The following COL19A1 variants were observed in gnomAD, a reference collection of about 807,000 sequenced individuals.
COL19A1 encodes the protein collagen type XIX alpha 1 chain.
COL19A1 carries 159 observed loss-of-function variants against 190.2 expected under a neutral mutation model. The ratio of observed to expected loss-of-function variants is 0.84; its 90% CI spans 0.73 to 0.95. The LOEUF (loss-of-function observed/expected upper bound fraction) is 0.95. Ranked by LOEUF, COL19A1 falls within the 40% of genes least tolerant of loss-of-function variation. COL19A1 has a pLI of 0.00. For missense variants in COL19A1, 1,418 were observed against 1,431.9 expected, an observed-to-expected ratio of 0.99 and a Z score of 0.16; for synonymous variants, 509 against 458.9, an observed-to-expected ratio of 1.11 and a Z score of -1.39.
chr6:70,194,007 C>A (rs188473548), intron 48 of COL19A1, among the ~76,000 whole-genome samples: 3 of 152,358 alleles, frequency 2.0e-5, no homozygotes, highest in African/African-American at 7.2e-5. Context: ...GTAGTACAGA[C>A]AGCTAACTGC....
chr6:70,093,986 G>A (rs970823779), intron 15 of COL19A1, among the ~76,000 whole-genome samples: 1 of 152,152 alleles, frequency 6.6e-6, no homozygotes, highest in Admixed American at 6.6e-5. Context: ...CCTATTTCAA[G>A]TCATTTGTTC....
At chr6:69,926,089 G>T (rs189740847) in intron 4 of COL19A1, among the ~76,000 whole-genome samples, 21 of 152,168 alleles carry the variant, frequency 1.4e-4, no homozygotes, top group Admixed American at 1.4e-3. Context: ...TCTTTCTCCT[G>T]CATGATTGCC....
At chr6:69,910,478 A>G (rs1240972663) in intron 4 of COL19A1, among the ~76,000 whole-genome samples, 1 of 152,198 alleles carries the variant, frequency 6.6e-6, no homozygotes, top group Non-Finnish European at 1.5e-5. Flanking sequence ...CTTTATTATG[A>G]CTAATTACAT....
intron 15 of COL19A1, among the ~76,000 whole-genome samples, chr6:70,076,112 C>A (rs1240860328): frequency 6.6e-6 from 1 of 152,090 alleles, no homozygotes; most frequent in Non-Finnish European, 1.5e-5. Flanking sequence ...CTGAGAGCTT[C>A]AGAAAGAAGC....
At chr6:70,028,905 C>T (rs1234783980) in intron 12 of COL19A1, among the ~76,000 whole-genome samples, 1 of 151,338 alleles carries the variant, frequency 6.6e-6, no homozygotes, top group East Asian at 2.0e-4. Context: ...ACACATTTAG[C>T]TCTAATAGGT....
chr6:70,022,519 G>A (rs79931683), intron 11 of COL19A1, among the ~76,000 whole-genome samples: 1,567 of 152,170 alleles, frequency 0.01, 16 homozygotes, highest in African/African-American at 0.035. Flanking sequence ...ATGTAGAAAG[G>A]CATTTTCAAA....
At position 69,973,369 on chromosome 6, in the gene COL19A1, C is replaced by T. The variant is rs1318173782; in HGVS notation, c.1026+10499C>T. On this transcript the variant is annotated intron_variant, in intron 11 of 50. Coordinates refer to ENST00000620364, the MANE Select transcript of COL19A1 (RefSeq NM_001858.6). ...CTCATTAATCTCTTCACCCCCACTG[C>T]TTTCTTTTTCATTTGTTTGACTTAC... is the stretch of plus-strand genomic sequence containing the variant. Among the ~76,000 whole-genome samples the T allele has an allele frequency of 2.0e-5, 3 of 152,156 alleles. 1 individual carries two copies. In the South Asian group the frequency reaches 6.2e-4, roughly 32 times the overall value.
At chr6:70,188,031 A>G in intron 46 of COL19A1, 44 bp from the exon 47 acceptor site, 1 of 1,604,702 alleles carries the variant, frequency 6.2e-7, no homozygotes, top group Non-Finnish European at 8.5e-7. Context: ...ACTACAGCTG[A>G]TGCTAGAAGA....
In COL19A1 at chr6:70,210,161, G is replaced by A. The variant is rs541419458; in HGVS notation, c.*2887G>A. On this transcript the variant is annotated 3_prime_UTR_variant, in exon 51 of 51. Transcript: ENST00000620364. Reference sequence around the variant, plus strand: ...CAAAATAATTATGGGCCATGACGACGATTAATATTAAAACTGTGATTTCCA... The same window carrying A: ...CAAAATAATTATGGGCCATGACGACAATTAATATTAAAACTGTGATTTCCA... 2.0e-3 allele frequency among the ~76,000 whole-genome samples: 306 copies of A among 152,186 alleles called. 2 individuals are homozygous for A. The highest frequency in any genetic ancestry group is 7.0e-3 in the African/African-American group (292 of 41,512).
chr6:69,922,936 C>T (rs1314657455), intron 4 of COL19A1, among the ~76,000 whole-genome samples: 2 of 152,132 alleles, frequency 1.3e-5, no homozygotes, highest in Admixed American at 1.3e-4. Context: ...ATGTTAAATG[C>T]TGTGCTTGCT....
chr6:70,139,560 A>G (rs1389746355), intron 19 of COL19A1, among the ~76,000 whole-genome samples: 1 of 152,034 alleles, frequency 6.6e-6, no homozygotes, highest in African/African-American at 2.4e-5. Flanking sequence ...ATTATTACGG[A>G]GAGCAGTTTA....
At chr6:69,941,524 A>T (rs1014334953) in intron 9 of COL19A1, among the ~76,000 whole-genome samples, 1 of 152,234 alleles carries the variant, frequency 6.6e-6, no homozygotes, top group Admixed American at 6.5e-5. Flanking sequence ...TAGATGTAAA[A>T]ATGTTGAGTT....
At chr6:70,016,465 CTGTT>C (rs1220947558) in intron 11 of COL19A1, among the ~76,000 whole-genome samples, 2 of 140,140 alleles carry the variant, frequency 1.4e-5, no homozygotes, top group Non-Finnish European at 3.0e-5. Context: ...GGTTTCATGG[CTGTT>C]TGCATGTGTC....
intron 35 of COL19A1, among the ~76,000 whole-genome samples, chr6:70,162,517 G>C (rs1787872943): frequency 1.3e-5 from 2 of 152,104 alleles, no homozygotes; most frequent in South Asian, 4.1e-4. Context: ...CATTCAAACA[G>C]TTTAATTCTA....
At chr6:69,869,933 C>T (rs1342776861) in intron 1 of COL19A1, among the ~76,000 whole-genome samples, 3 of 152,140 alleles carry the variant, frequency 2.0e-5, no homozygotes, top group African/African-American at 2.4e-5. Context: ...CAAAGTAGTA[C>T]AAACATTAGG....
rs1246753633 is a variant in COL19A1 at position 70,005,679 on chromosome 6, C to T, written c.1027-17948C>T. ...ACCTATTTAATGAAGCACTTTGTCCCTTGGTGGAGGGGGTGTGCTTTGCTA... is the reference window on the plus strand; with the variant it reads ...ACCTATTTAATGAAGCACTTTGTCCTTTGGTGGAGGGGGTGTGCTTTGCTA... On this transcript the variant is annotated intron_variant, in intron 11 of 50. Transcript: ENST00000620364. Among the ~76,000 whole-genome samples, 4 of 152,262 alleles carry T rather than the reference C, an allele frequency of 2.6e-5. 1 individual carries two copies. In the East Asian group the frequency reaches 5.8e-4, roughly 22 times the overall value.
intron 4 of COL19A1, among the ~76,000 whole-genome samples, chr6:69,911,593 A>T (rs2149987280): frequency 6.6e-6 from 1 of 152,322 alleles, no homozygotes; most frequent in East Asian, 1.9e-4. Context: ...GACTGAGTTG[A>T]CCAGATGTTT....
At chr6:70,083,296 C>T (rs923880029) in intron 15 of COL19A1, among the ~76,000 whole-genome samples, 1 of 151,898 alleles carries the variant, frequency 6.6e-6, no homozygotes, top group Non-Finnish European at 1.5e-5. Context: ...TCTTTATGTG[C>T]CTTATACACA....
chr6:70,100,631 T>A (rs1783572643), intron 15 of COL19A1, among the ~76,000 whole-genome samples: 1 of 151,196 alleles, frequency 6.6e-6, no homozygotes, highest in African/African-American at 2.4e-5. Flanking sequence ...TGGCTGGGAT[T>A]ACAGGCACAT....
Sources: allele counts gnomAD v4.1 joint callset (sites outside exome capture counted in the v4.1 genomes callset), GRCh38; gene constraint gnomAD v4.1.1; transcripts MANE v1.5; gene names NCBI Gene and HGNC (gene_info 2026-07-23, HGNC 2026-07-21).